Variants in SLC24A2 observed in about 807,000 individuals in gnomAD.
SLC24A2 encodes the protein sodium/potassium/calcium exchanger 2.
A neutral mutation model predicts 62.0 loss-of-function variants in SLC24A2; 36 were observed. The observed-to-expected ratio is 0.58, with a 90% CI of 0.44 to 0.77. SLC24A2 has a LOEUF of 0.77. Among genes scored for constraint, SLC24A2 ranks in the 30% least tolerant of loss-of-function variants. The pLI, the probability that SLC24A2 is intolerant of heterozygous loss-of-function variation, is 0.00. For missense variants in SLC24A2, 846 were observed against 817.9 expected (o/e 1.03, Z -0.42); for synonymous variants, 358 against 294.0 (o/e 1.22, Z -2.23).
At chr9:20,275,014 C>A in the SLC24A2 span, among the ~76,000 whole-genome samples, 3 of 152,168 alleles carry the variant, frequency 2.0e-5, no homozygotes, top group South Asian at 2.1e-4. Flanking sequence ...TAGGGGTGGA[C>A]TCCTGATCCA....
the SLC24A2 span, among the ~76,000 whole-genome samples, chr9:19,959,084 C>T: frequency 6.6e-6 from 1 of 152,116 alleles, no homozygotes; most frequent in Non-Finnish European, 1.5e-5. Context: ...TTTTCGCTAA[C>T]CCATCTCTCA....
intron 2 of SLC24A2, among the ~76,000 whole-genome samples, chr9:19,690,438 T>C (rs1006956705): frequency 6.6e-6 from 1 of 152,072 alleles, no homozygotes; most frequent in African/African-American, 2.4e-5. Flanking sequence ...GCTGAGACTG[T>C]TGGAGGAAGC....
chr9:19,830,126 C>G, the SLC24A2 span, among the ~76,000 whole-genome samples: 1 of 152,080 alleles, frequency 6.6e-6, no homozygotes, highest in Non-Finnish European at 1.5e-5. Context: ...TCCAAGTTAT[C>G]TCTCCAGGGC....
At chr9:19,961,837 G>A in the SLC24A2 span, among the ~76,000 whole-genome samples, 2 of 152,106 alleles carry the variant, frequency 1.3e-5, no homozygotes, top group African/African-American at 4.8e-5. Flanking sequence ...AAAAACTAAA[G>A]CCTCCCACCT....
the SLC24A2 span, among the ~76,000 whole-genome samples, chr9:20,268,605 T>A: frequency 6.6e-6 from 1 of 152,162 alleles, no homozygotes; most frequent in Non-Finnish European, 1.5e-5. Context: ...AAGGCCCTCA[T>A]CAGATGCAGC....
At chr9:19,524,778 T>C (rs530143693) in intron 9 of SLC24A2, among the ~76,000 whole-genome samples, 1 of 152,126 alleles carries the variant, frequency 6.6e-6, no homozygotes, top group South Asian at 2.1e-4. Context: ...GCCATTGAAT[T>C]TGTGTTCCTT....
At chr9:20,249,166 G>C in the SLC24A2 span, among the ~76,000 whole-genome samples, 5 of 152,300 alleles carry the variant, frequency 3.3e-5, no homozygotes, top group South Asian at 2.1e-4. Flanking sequence ...AAACATGGAT[G>C]ATAAAGTATA....
chr9:20,019,167 CAGAA>C, the SLC24A2 span, among the ~76,000 whole-genome samples: 33 of 79,112 alleles, frequency 4.2e-4, no homozygotes, highest in Admixed American at 1.3e-3. Flanking sequence ...GAGAGAGAGA[CAGAA>C]AGAAAGAAAG....
At chr9:20,112,520 G>A in the SLC24A2 span, among the ~76,000 whole-genome samples, 1 of 152,108 alleles carries the variant, frequency 6.6e-6, no homozygotes, top group African/African-American at 2.4e-5. Flanking sequence ...AAAATAATCT[G>A]AAACTTCCCC....
intron 8 of SLC24A2, among the ~76,000 whole-genome samples, chr9:19,534,354 T>C (rs1443631434): frequency 6.6e-6 from 1 of 152,202 alleles, no homozygotes; most frequent in East Asian, 1.9e-4. Flanking sequence ...TTTTTTGTCT[T>C]TGTATCTCTT....
chr9:20,058,492 T>TACACACACACACAC, the SLC24A2 span, among the ~76,000 whole-genome samples: 728 of 147,890 alleles, frequency 4.9e-3, 6 homozygotes, highest in African/African-American at 0.015. Context: ...ATGCCCTTCA[T>TACACACACACACAC]ACACACACAC....
chr9:20,142,098 T>G, the SLC24A2 span, among the ~76,000 whole-genome samples: 4 of 152,080 alleles, frequency 2.6e-5, no homozygotes, highest in Non-Finnish European at 5.9e-5. Context: ...TAATAATTAT[T>G]ATTATTTAAA....
the SLC24A2 span, among the ~76,000 whole-genome samples, chr9:19,946,172 G>T: frequency 2.0e-5 from 3 of 152,162 alleles, no homozygotes; most frequent in Non-Finnish European, 4.4e-5. Flanking sequence ...CTATCACTAA[G>T]TCCATCCCCC....
intron 10 of SLC24A2, among the ~76,000 whole-genome samples, chr9:19,520,180 C>G (rs1217646967): frequency 6.6e-6 from 1 of 152,178 alleles, no homozygotes; most frequent in Non-Finnish European, 1.5e-5. Flanking sequence ...GAGCCCAGTA[C>G]TCCTGGGAAC....
chr9:20,126,400 T>C, the SLC24A2 span, among the ~76,000 whole-genome samples: 3 of 152,174 alleles, frequency 2.0e-5, no homozygotes, highest in African/African-American at 4.8e-5. Context: ...ATTAAACTTC[T>C]GTCAGTTAAT....
the SLC24A2 span, among the ~76,000 whole-genome samples, chr9:20,019,525 T>TC: frequency 2.0e-5 from 3 of 152,146 alleles, no homozygotes; most frequent in Admixed American, 1.3e-4. Context: ...CTCTGTTCTG[T>TC]CCCATTGGAC....
chr9:19,670,267 G>T (rs543632936), intron 2 of SLC24A2, among the ~76,000 whole-genome samples: 110 of 152,172 alleles, frequency 7.2e-4, no homozygotes, highest in African/African-American at 2.5e-3. Context: ...TCTAGCCTGG[G>T]TTATTCCTTA....
the SLC24A2 span, among the ~76,000 whole-genome samples, chr9:19,834,744 G>A: frequency 2.5e-3 from 374 of 152,168 alleles, 1 homozygote; most frequent in East Asian, 0.026. Flanking sequence ...GATACTCCTC[G>A]AGAAGAGCAA....
At chr9:20,292,088 G>A in the SLC24A2 span, among the ~76,000 whole-genome samples, 1 of 152,152 alleles carries the variant, frequency 6.6e-6, no homozygotes, top group African/African-American at 2.4e-5. Flanking sequence ...CTGGGGTGTT[G>A]TGTTTCTACA....
Sources: allele counts gnomAD v4.1 joint callset (sites outside exome capture counted in the v4.1 genomes callset), GRCh38; gene constraint gnomAD v4.1.1; transcripts MANE v1.5; gene names NCBI Gene and HGNC (gene_info 2026-07-23, HGNC 2026-07-21).